The following CNTN5 variants were observed in gnomAD, a reference collection of about 807,000 sequenced individuals.
CNTN5 encodes contactin 5, also known as contactin-5.
CNTN5 carries 77 observed loss-of-function variants against 129.1 expected under a neutral mutation model. The ratio of observed to expected loss-of-function variants is 0.60; its 90% CI spans 0.50 to 0.72. The LOEUF is 0.72. Ranked by LOEUF, CNTN5 falls within the 30% of genes least tolerant of loss-of-function variation. The pLI is 0.00. For synonymous variants in CNTN5, 509 were observed against 465.6 expected (o/e 1.09, Z -1.20); for missense variants, 1,478 against 1,328.8 (o/e 1.11, Z -1.75).
At chr11:100,161,648 T>G (rs947002720) in intron 13 of CNTN5, among the ~76,000 whole-genome samples, 2 of 151,798 alleles carry the variant, frequency 1.3e-5, no homozygotes, top group African/African-American at 4.8e-5. Context: ...TGTAGTTTAT[T>G]TTTTCATTTA....
chr11:100,155,054 G>T (rs1947193166), intron 13 of CNTN5, among the ~76,000 whole-genome samples: 2 of 152,050 alleles, frequency 1.3e-5, no homozygotes, highest in South Asian at 4.1e-4. Context: ...TTTGGCTTTT[G>T]TTGCCATTGC....
At chr11:99,929,892 A>G (rs1950152723) in intron 7 of CNTN5, among the ~76,000 whole-genome samples, 1 of 152,224 alleles carries the variant, frequency 6.6e-6, no homozygotes, top group Non-Finnish European at 1.5e-5. Flanking sequence ...AAGAAGAGGT[A>G]GTAGATTTAA....
chr11:99,852,158 CTT>C (rs1332549724), intron 6 of CNTN5, among the ~76,000 whole-genome samples: 2 of 151,964 alleles, frequency 1.3e-5, no homozygotes, highest in African/African-American at 2.4e-5. Flanking sequence ...ACAAATGACT[CTT>C]TTTTTAAGGA....
chr11:99,522,956 T>C (rs7935878), intron 2 of CNTN5, among the ~76,000 whole-genome samples: 2,171 of 152,314 alleles, frequency 0.014, 45 homozygotes, highest in African/African-American at 0.048. Context: ...CCTCTCCCTG[T>C]ACACACACTA....
At chr11:99,756,169 C>A (rs190968216) in intron 3 of CNTN5, among the ~76,000 whole-genome samples, 1 of 152,126 alleles carries the variant, frequency 6.6e-6, no homozygotes, top group African/African-American at 2.4e-5. Context: ...TGTTTAGTTT[C>A]TTAAATGTTT....
intron 9 of CNTN5, among the ~76,000 whole-genome samples, chr11:100,054,238 A>G (rs1030061789): frequency 2.0e-5 from 3 of 151,764 alleles, no homozygotes; most frequent in Admixed American, 6.6e-5. Flanking sequence ...TACTCAAAGC[A>G]TGGGTTAAGA....
At chr11:99,394,266 G>T (rs745562704) in intron 2 of CNTN5, among the ~76,000 whole-genome samples, 5 of 151,618 alleles carry the variant, frequency 3.3e-5, no homozygotes, top group Non-Finnish European at 7.4e-5. Flanking sequence ...TGTTATGTTT[G>T]TTTTCCACAA....
At chr11:99,048,687 T>C (rs972884415) in intron 1 of CNTN5, among the ~76,000 whole-genome samples, 11 of 152,138 alleles carry the variant, frequency 7.2e-5, no homozygotes, top group African/African-American at 2.4e-4. Flanking sequence ...CAGTTTCAGT[T>C]TGGCAAAGCC....
intron 8 of CNTN5, among the ~76,000 whole-genome samples, chr11:99,976,041 C>T (rs542293585): frequency 3.9e-5 from 6 of 152,306 alleles, no homozygotes; most frequent in African/African-American, 9.6e-5. Flanking sequence ...TAAATGCTCC[C>T]ATACCAAAAG....
chr11:99,103,457 G>A (rs758576673), intron 1 of CNTN5, among the ~76,000 whole-genome samples: 5 of 151,950 alleles, frequency 3.3e-5, no homozygotes, highest in Non-Finnish European at 7.4e-5. Flanking sequence ...CCTTTAAAAT[G>A]TTTCTTTGCA....
In CNTN5 at chr11:99,892,816, T is replaced by C. The variant is rs140323106; in HGVS notation, c.578-23238T>C. 4.7e-3 allele frequency among the ~76,000 whole-genome samples: 717 copies of C among 152,260 alleles called. 6 individuals carry two copies. Among genetic ancestry groups the C allele is most frequent in the African/African-American group, 0.016 (660 of 41,552 alleles). ...GGATTGCCTTGGCTATGTGGGCTCT[T>C]TTTTGGTTCCATATGAAGTTTAAAG... On this transcript the variant is annotated intron_variant, in intron 6 of 24. Coordinates refer to ENST00000524871, the MANE Select transcript of CNTN5 (RefSeq NM_014361.4).
intron 9 of CNTN5, among the ~76,000 whole-genome samples, chr11:100,009,714 A>G (rs935535796): frequency 8.5e-5 from 13 of 152,274 alleles, no homozygotes; most frequent in African/African-American, 2.2e-4. Context: ...TAAGAATATA[A>G]TAATGCCCAT....
intron 9 of CNTN5, among the ~76,000 whole-genome samples, chr11:100,013,928 G>T (rs1940676536): frequency 6.6e-6 from 1 of 152,052 alleles, no homozygotes; most frequent in African/African-American, 2.4e-5. Context: ...GTGTCTTACT[G>T]AATCACTGTA....
intron 4 of CNTN5, among the ~76,000 whole-genome samples, chr11:99,840,973 A>T (rs1209215636): frequency 6.6e-6 from 1 of 152,170 alleles, no homozygotes; most frequent in Admixed American, 6.5e-5. Flanking sequence ...ATCACTGATT[A>T]TCTTTGCTGG....
chr11:99,869,217 T>C (rs757732581), intron 6 of CNTN5, among the ~76,000 whole-genome samples: 1 of 152,180 alleles, frequency 6.6e-6, no homozygotes, highest in Non-Finnish European at 1.5e-5. Flanking sequence ...ACATACATTT[T>C]CATACCTGGG....
intron 9 of CNTN5, among the ~76,000 whole-genome samples, chr11:100,048,573 A>G (rs1319272564): frequency 6.6e-6 from 1 of 152,140 alleles, no homozygotes; most frequent in Non-Finnish European, 1.5e-5. Context: ...AAAAAGTGAA[A>G]AAATGTACTA....
chr11:99,980,960 T>A (rs1938291427), intron 8 of CNTN5, among the ~76,000 whole-genome samples: 1 of 151,358 alleles, frequency 6.6e-6, no homozygotes, highest in African/African-American at 2.4e-5. Context: ...AAAGGGTTAA[T>A]CTATTTTAAA....
intron 2 of CNTN5, among the ~76,000 whole-genome samples, chr11:99,440,904 G>A (rs1328752718): frequency 1.3e-5 from 2 of 152,078 alleles, no homozygotes; most frequent in Non-Finnish European, 2.9e-5. Flanking sequence ...CACTAATTAC[G>A]GTGAACTGAT....
At chr11:99,801,161 C>T (rs2135479733) in intron 3 of CNTN5, among the ~76,000 whole-genome samples, 1 of 152,228 alleles carries the variant, frequency 6.6e-6, no homozygotes, top group Non-Finnish European at 1.5e-5. Context: ...TGCTCGTCTG[C>T]AAAAGATTTT....
Sources: allele counts gnomAD v4.1 joint callset (sites outside exome capture counted in the v4.1 genomes callset), GRCh38; gene constraint gnomAD v4.1.1; transcripts MANE v1.5; gene names NCBI Gene and HGNC (gene_info 2026-07-23, HGNC 2026-07-21).